Variants in ZNF536 observed in about 807,000 individuals in gnomAD.
ZNF536 encodes zinc finger protein 536.
In ZNF536, 13 loss-of-function variants were observed where a neutral mutation model predicts 84.5. That is an observed-to-expected ratio of 0.15 (90% CI 0.10 to 0.24). ZNF536 has a LOEUF of 0.24. Ranked by LOEUF, ZNF536 falls within the 10% of genes least tolerant of loss-of-function variation. The pLI is 1.00. For synonymous variants in ZNF536, 811 were observed against 742.5 expected (o/e 1.09, Z -1.50); for missense variants, 1,536 against 1,747.5 (o/e 0.88, Z 2.16).
intron 3 of ZNF536, among the ~76,000 whole-genome samples, chr19:30,361,413 G>A (rs2048271444): frequency 6.8e-6 from 1 of 146,382 alleles, no homozygotes; most frequent in South Asian, 2.2e-4. Flanking sequence ...AAAGCTTTAT[G>A]TCATATTTTT....
intron 1 of ZNF536, among the ~76,000 whole-genome samples, chr19:30,377,205 C>T (rs8108735): frequency 0.017 from 2,611 of 152,240 alleles, 77 homozygotes; most frequent in African/African-American, 0.057. Context: ...CTCAGGTTCT[C>T]GGGAAAGCTG....
At position 30,657,414 on chromosome 19, in the gene ZNF536, C is replaced by T. The variant is rs562002006; in HGVS notation, c.170-53343C>T. 5.3e-5 allele frequency among the ~76,000 whole-genome samples: 8 copies of T among 152,300 alleles called. No homozygotes were observed. In the South Asian group the frequency reaches 1.7e-3, roughly 32 times the overall value. The stretch of plus-strand genomic sequence containing the variant: ...AAAGCAGCAATGTCCAAGAGGCGGC[C>T]GCCAGCAGACCCTGTGCTAAAGCCA... On this transcript the variant is annotated intron_variant, in intron 1 of 1. Coordinates refer to the ZNF536 transcript ENST00000592773.
chr19:30,489,212 G>C (rs1480324238), intron 2 of ZNF536, among the ~76,000 whole-genome samples: 1 of 152,176 alleles, frequency 6.6e-6, no homozygotes, highest in Non-Finnish European at 1.5e-5. Context: ...ACAAAAGACA[G>C]AAACCAGCCA....
chr19:30,446,920 A>G (rs1478161799), intron 2 of ZNF536, among the ~76,000 whole-genome samples: 2 of 152,192 alleles, frequency 1.3e-5, no homozygotes, highest in African/African-American at 4.8e-5. Flanking sequence ...ATATTTCCAA[A>G]GCCCCTTACT....
At chr19:30,682,014 A>AG (rs916117866) in intron 1 of ZNF536, among the ~76,000 whole-genome samples, 5 of 152,256 alleles carry the variant, frequency 3.3e-5, no homozygotes, top group Admixed American at 3.3e-4. Flanking sequence ...GAAAAAAGGG[A>AG]GGGCAGTCCC....
intron 1 of ZNF536, among the ~76,000 whole-genome samples, chr19:30,229,895 C>T (rs1854055695): frequency 6.6e-6 from 1 of 152,198 alleles, no homozygotes; most frequent in South Asian, 2.1e-4. Context: ...CTGCCTCAGT[C>T]CCAGACACTG....
chr19:30,544,132 C>G (rs774517778), intron 3 of ZNF536, among the ~76,000 whole-genome samples: 2 of 152,184 alleles, frequency 1.3e-5, no homozygotes, highest in East Asian at 3.8e-4. Flanking sequence ...CCTGGAACAG[C>G]GTGCCCACCT....
intron 3 of ZNF536, among the ~76,000 whole-genome samples, chr19:30,355,125 C>A (rs965822587): frequency 6.6e-6 from 1 of 152,076 alleles, no homozygotes; most frequent in African/African-American, 2.4e-5. Flanking sequence ...ATGGTTCTTC[C>A]GGCTGTACAA....
chr19:30,592,348 T>A (rs2047305476), intron 1 of ZNF536, among the ~76,000 whole-genome samples: 1 of 152,216 alleles, frequency 6.6e-6, no homozygotes, highest in Admixed American at 6.5e-5. Flanking sequence ...TTTTCCATTT[T>A]TCCCCTTCCG....
chr19:30,248,944 A>G (rs1232906896), intron 1 of ZNF536, among the ~76,000 whole-genome samples: 1 of 152,208 alleles, frequency 6.6e-6, no homozygotes, highest in East Asian at 1.9e-4. Flanking sequence ...CAGATACAAG[A>G]ACTCCACTTG....
chr19:30,692,727 A>C (rs2051463185), intron 1 of ZNF536, among the ~76,000 whole-genome samples: 1 of 152,106 alleles, frequency 6.6e-6, no homozygotes, highest in African/African-American at 2.4e-5. Context: ...CTGGCTCCTT[A>C]CAAGATTTAA....
intron 1 of ZNF536, among the ~76,000 whole-genome samples, chr19:30,620,626 T>C (rs1600053449): frequency 6.6e-6 from 1 of 152,146 alleles, no homozygotes; most frequent in Admixed American, 6.5e-5. Context: ...TGTGTTGCAG[T>C]GGTGGCTCTG....
chr19:30,685,249 G>T (rs548597788), intron 1 of ZNF536, among the ~76,000 whole-genome samples: 1 of 152,318 alleles, frequency 6.6e-6, no homozygotes, highest in African/African-American at 2.4e-5. Context: ...TGTCTCCCAT[G>T]CTTCATCTTC....
chr19:30,448,590 C>CT (rs1386440570), intron 2 of ZNF536, among the ~76,000 whole-genome samples: 10 of 151,984 alleles, frequency 6.6e-5, no homozygotes, highest in South Asian at 2.1e-4. Flanking sequence ...TCACTTGATT[C>CT]TTTTTTTTGT....
intron 2 of ZNF536, among the ~76,000 whole-genome samples, chr19:30,447,167 G>A (rs2052390366): frequency 6.6e-6 from 1 of 152,162 alleles, no homozygotes; most frequent in Admixed American, 6.5e-5. Flanking sequence ...CCTGTTGAGG[G>A]TCATTTTTTA....
At chr19:30,639,141 A>AT (rs1471574696) in intron 1 of ZNF536, among the ~76,000 whole-genome samples, 1 of 151,918 alleles carries the variant, frequency 6.6e-6, no homozygotes, top group Non-Finnish European at 1.5e-5. Flanking sequence ...GTTCCTGGTA[A>AT]TTTTTATCAA....
chr19:30,275,216 G>A (rs936093857), intron 1 of ZNF536, among the ~76,000 whole-genome samples: 3 of 152,148 alleles, frequency 2.0e-5, no homozygotes, highest in Non-Finnish European at 2.9e-5. Flanking sequence ...TTAGGCTCTG[G>A]AAATCCACCA....
At chr19:30,526,332 G>A (rs1005564451) in intron 2 of ZNF536, among the ~76,000 whole-genome samples, 1 of 152,202 alleles carries the variant, frequency 6.6e-6, no homozygotes, top group African/African-American at 2.4e-5. Flanking sequence ...GATGACAGGG[G>A]ATGTTGTCAC....
intron 1 of ZNF536, among the ~76,000 whole-genome samples, chr19:30,569,559 C>CTTTTTTTTTTTTTTTTTTTTTTTT (rs34995610): frequency 1.8e-5 from 1 of 55,092 alleles, no homozygotes; most frequent in Non-Finnish European, 3.3e-5. Flanking sequence ...GATAAACGTT[C>CTTTTTTTTTTTTTTTTTTTTTTTT]TTTTTTTTTT....
Sources: allele counts gnomAD v4.1 joint callset (sites outside exome capture counted in the v4.1 genomes callset), GRCh38; gene constraint gnomAD v4.1.1; transcripts MANE v1.5; gene names NCBI Gene and HGNC (gene_info 2026-07-23, HGNC 2026-07-21).